FAM135B: variants seen among roughly 807,000 people sequenced by gnomAD.
The protein encoded by FAM135B is family with sequence similarity 135 member B.
In FAM135B, 43 loss-of-function variants were observed where a neutral mutation model predicts 127.7. That is an observed-to-expected ratio of 0.34 (90% CI 0.26 to 0.43). The LOEUF is 0.43. Among genes scored for constraint, FAM135B ranks in the 20% least tolerant of loss-of-function variants. The pLI is 1.00. For missense variants in FAM135B, 1,558 were observed against 1,725.6 expected (o/e 0.90, Z 1.72); for synonymous variants, 670 against 665.1 (o/e 1.01, Z -0.11).
At position 138,151,397 on chromosome 8, in the gene FAM135B, C is replaced by T. The variant is rs771082739; in HGVS notation, c.3078G>A (p.Lys1026=). ...CAGATAAGTTCACAACCTCCACAGCCTTCAGGCTGTCCAGAGTAAAGGTCT... is the reference window on the plus strand; with the variant it reads ...CAGATAAGTTCACAACCTCCACAGCTTTCAGGCTGTCCAGAGTAAAGGTCT... The part of the protein sequence containing the change: ...SAETFTLDSL[K]AVEVVNLSVS... Residue 1026 remains lysine, a synonymous_variant, in exon 13 of 20, where the codon AAG becomes AAA. Coordinates refer to ENST00000395297, the MANE Select transcript of FAM135B (RefSeq NM_015912.4). The T allele has an allele frequency of 2.0e-5, 32 of 1,613,760 alleles. No individual in the cohort carries two copies. In the Admixed American group the frequency reaches 4.7e-4, roughly 24 times the overall value.
chr8:138,312,549 A>G (rs906835320), intron 2 of FAM135B, among the ~76,000 whole-genome samples: 3 of 152,196 alleles, frequency 2.0e-5, no homozygotes, highest in African/African-American at 4.8e-5. Context: ...ATTATACAAA[A>G]AAAAGCCCTC....
chr8:138,440,746 A>G (rs1835712554), intron 1 of FAM135B: 1 of 151,906 alleles, frequency 6.6e-6, no homozygotes, highest in Non-Finnish European at 1.5e-5. Flanking sequence ...AAAATCTATC[A>G]CATTTCTGAG....
chr8:138,176,901 A>C (rs796635624), intron 11 of FAM135B, among the ~76,000 whole-genome samples: 1 of 152,172 alleles, frequency 6.6e-6, no homozygotes, highest in Non-Finnish European at 1.5e-5. Context: ...TTCTGGAAGA[A>C]GGCAAACTTA....
intron 11 of FAM135B, among the ~76,000 whole-genome samples, chr8:138,170,650 TG>T (rs969799200): frequency 3.3e-5 from 5 of 152,218 alleles, no homozygotes; most frequent in Non-Finnish European, 5.9e-5. Flanking sequence ...CCTATATAGC[TG>T]GTAAAGCACT....
chr8:138,297,007 C>A (rs1407866098), intron 3 of FAM135B, among the ~76,000 whole-genome samples: 1 of 152,130 alleles, frequency 6.6e-6, no homozygotes, highest in Non-Finnish European at 1.5e-5. Flanking sequence ...GCCATCTGTT[C>A]TCATGTCATT....
chr8:138,472,199 TAAGA>T (rs1167157091), intron 1 of FAM135B, among the ~76,000 whole-genome samples: 1 of 151,844 alleles, frequency 6.6e-6, no homozygotes, highest in Non-Finnish European at 1.5e-5. Flanking sequence ...TTTGGTTTGA[TAAGA>T]GAGAGAAATT....
chr8:138,488,818 C>A (rs933122933), intron 1 of FAM135B, among the ~76,000 whole-genome samples: 2 of 152,150 alleles, frequency 1.3e-5, no homozygotes, highest in African/African-American at 4.8e-5. Flanking sequence ...AGGCACGCAC[C>A]ACCACACCCA....
chr8:138,191,920 T>C (rs1257019058), intron 9 of FAM135B, among the ~76,000 whole-genome samples: 3 of 152,186 alleles, frequency 2.0e-5, no homozygotes, highest in Admixed American at 6.5e-5. Context: ...ATGGACTTCA[T>C]CTCTATTCCC....
intron 14 of FAM135B, among the ~76,000 whole-genome samples, 180 bp from the exon 15 acceptor site, chr8:138,146,230 T>C (rs1306793879): frequency 6.6e-6 from 1 of 152,172 alleles, no homozygotes; most frequent in Non-Finnish European, 1.5e-5. Context: ...TGTTACCCCT[T>C]GGCCCCCCAC....
chr8:138,290,811 C>T (rs1249807084), intron 3 of FAM135B, among the ~76,000 whole-genome samples: 21 of 152,124 alleles, frequency 1.4e-4, no homozygotes. Flanking sequence ...CAGGTGTTCG[C>T]ATGAGATGAG....
At chr8:138,184,294 C>G (rs1815352096) in intron 9 of FAM135B, among the ~76,000 whole-genome samples, 1 of 152,190 alleles carries the variant, frequency 6.6e-6, no homozygotes, top group African/African-American at 2.4e-5. Flanking sequence ...ATGTCCTTGG[C>G]TTTGACTTCC....
chr8:138,385,355 C>A (rs192241010), intron 1 of FAM135B, among the ~76,000 whole-genome samples: 1 of 152,266 alleles, frequency 6.6e-6, no homozygotes, highest in African/African-American at 2.4e-5. Flanking sequence ...GAAAGCTGCA[C>A]CTCGTTTGTC....
chr8:138,349,919 G>A (rs1421796947), intron 2 of FAM135B, among the ~76,000 whole-genome samples: 3 of 152,190 alleles, frequency 2.0e-5, no homozygotes, highest in South Asian at 2.1e-4. Context: ...TCTTCATGAT[G>A]ATGATCAAGA....
In FAM135B at chr8:138,243,543, C is replaced by T. The variant is rs887874173; in HGVS notation, c.543-475G>A. 3.3e-5 allele frequency among the ~76,000 whole-genome samples: 5 copies of T among 152,328 alleles called. No homozygotes were observed. Among genetic ancestry groups the T allele is most frequent in the South Asian group, 2.1e-4 (1 of 4,826 alleles). Reference sequence around the variant, plus strand: ...CCATGATCCGCATGAGAGTCTAATACGATGTCAAAGACTGTCATAAGCCAG... The same window carrying T: ...CCATGATCCGCATGAGAGTCTAATATGATGTCAAAGACTGTCATAAGCCAG... On this transcript the variant is annotated intron_variant, in intron 6 of 19. Transcript: ENST00000395297. This position sits in a 1 kb window ranked among gnomAD's most constrained non-coding sequence, Gnocchi z 7.5.
intron 3 of FAM135B, among the ~76,000 whole-genome samples, chr8:138,298,912 T>C (rs1170069422): frequency 1.3e-5 from 2 of 151,868 alleles, no homozygotes; most frequent in Admixed American, 6.6e-5. Flanking sequence ...CTGGGTCCCT[T>C]AGAGCCATTT....
At chr8:138,251,377 C>T (rs962169471) in intron 5 of FAM135B, among the ~76,000 whole-genome samples, 1 of 152,104 alleles carries the variant, frequency 6.6e-6, no homozygotes, top group Non-Finnish European at 1.5e-5. Flanking sequence ...CAACAGATGC[C>T]CAGATGTCCA....
intron 1 of FAM135B, chr8:138,439,175 T>A (rs1276640717): frequency 6.6e-6 from 1 of 152,188 alleles, no homozygotes; most frequent in East Asian, 1.9e-4. Flanking sequence ...GGTGTGTATA[T>A]ACCTGAAAAT....
intron 9 of FAM135B, among the ~76,000 whole-genome samples, chr8:138,193,630 C>A (rs1360233484): frequency 6.6e-6 from 1 of 152,220 alleles, no homozygotes; most frequent in Non-Finnish European, 1.5e-5. Context: ...CTGAGCTGCA[C>A]CTCCACAGGT....
chr8:138,297,174 TG>T (rs1825536033), intron 3 of FAM135B, among the ~76,000 whole-genome samples: 1 of 152,046 alleles, frequency 6.6e-6, no homozygotes, highest in Admixed American at 6.6e-5. Context: ...AGTTGAAATA[TG>T]GAAAGAAAGG....
Sources: gnomAD v4.1 joint callset for allele counts (sites outside exome capture counted in the v4.1 genomes callset) on GRCh38, gnomAD v4.1.1 for gene constraint, Gnocchi (gnomAD v3.1) non-coding constraint, MANE v1.5 for transcripts, NCBI Gene and HGNC (gene_info 2026-07-23, HGNC 2026-07-21) for gene names.